Variants in PDE4D observed in about 807,000 individuals in gnomAD.
PDE4D encodes the protein phosphodiesterase 4D.
PDE4D carries 24 observed loss-of-function variants against 87.4 expected under a neutral mutation model. That is an observed-to-expected ratio of 0.27 (90% confidence interval 0.20 to 0.39). PDE4D has a LOEUF of 0.39. Among genes scored for constraint, PDE4D ranks in the 10% least tolerant of loss-of-function variants. The pLI, the probability that PDE4D is intolerant of heterozygous loss-of-function variation, is 1.00. For missense variants in PDE4D, 714 were observed against 1,041.0 expected (o/e 0.69, Z 4.32); for synonymous variants, 384 against 383.2 (o/e 1.00, Z -0.02).
chr5:60,034,710 T>C (rs573458395), intron 2 of PDE4D, among the ~76,000 whole-genome samples: 1 of 152,318 alleles, frequency 6.6e-6, no homozygotes, highest in African/African-American at 2.4e-5. Context: ...TAATACAACT[T>C]ATGATATTTA....
chr5:59,862,955 T>C (rs1199154576), intron 1 of PDE4D, among the ~76,000 whole-genome samples: 1 of 152,186 alleles, frequency 6.6e-6, no homozygotes, highest in Non-Finnish European at 1.5e-5. Context: ...TGGACTAAGA[T>C]TAACTTTCAT....
rs534569868 is a variant in PDE4D at position 59,760,848 on chromosome 5, A to G, written c.455+132320T>C. Among the ~76,000 whole-genome samples the G allele has an allele frequency of 1.3e-4, 20 of 152,286 alleles. 1 individual carries two copies. The East Asian group carries it at 2.5e-3, about 19-fold the overall frequency. On this transcript the variant is annotated intron_variant, in intron 1 of 14. Transcript: ENST00000340635. ...ATTTCCGTTATAGTAAAATGACTCA[A>G]TGTTTTTCATTGTGACATTCACTTA...
At chr5:59,442,723 A>T (rs1257347281) in intron 1 of PDE4D, among the ~76,000 whole-genome samples, 1 of 152,198 alleles carries the variant, frequency 6.6e-6, no homozygotes, top group Non-Finnish European at 1.5e-5. Context: ...TAGGAAGGTT[A>T]CCTGGCAGTA....
intron 1 of PDE4D, among the ~76,000 whole-genome samples, chr5:59,589,728 T>G (rs940444688): frequency 1.3e-5 from 2 of 152,184 alleles, no homozygotes; most frequent in African/African-American, 4.8e-5. Context: ...CAACATTCAA[T>G]ACTTGTTAGC....
chr5:59,324,007 A>T (rs201608489), intron 1 of PDE4D, among the ~76,000 whole-genome samples: 1 of 152,146 alleles, frequency 6.6e-6, no homozygotes, highest in Non-Finnish European at 1.5e-5. Flanking sequence ...ACCACATTTT[A>T]TCTTATTCCC....
At chr5:59,902,892 A>C (rs1159438751) in intron 3 of PDE4D, among the ~76,000 whole-genome samples, 1 of 152,206 alleles carries the variant, frequency 6.6e-6, no homozygotes, top group Non-Finnish European at 1.5e-5. Context: ...CCTAAATAGA[A>C]CTCTGAGCTA....
At chr5:59,503,137 T>G (rs1808622801) in intron 1 of PDE4D, among the ~76,000 whole-genome samples, 3 of 152,108 alleles carry the variant, frequency 2.0e-5, no homozygotes, top group Admixed American at 2.0e-4. Context: ...CAAAAAAGGT[T>G]AGGCTACAAT....
Position 59,768,753 on chromosome 5 carries a change from C to T in PDE4D, c.455+124415G>A, listed in dbSNP as rs1763133735. ...CCCTGCCAAAGATCACTGACAAGCT[C>T]GCATAGCAAATGAACAAGGAGGGAA... On this transcript the variant is annotated intron_variant, in intron 1 of 14. Coordinates refer to ENST00000340635, the MANE Select transcript of PDE4D (RefSeq NM_001104631.2). The T allele has an allele frequency of 4.5e-6, 4 of 895,602 alleles. No homozygotes were observed. The Admixed American group carries it at 9.6e-5, about 22-fold the overall frequency. The allele number at this position is 895,602 out of a possible 1,614,324, so 55.5% of individuals were successfully genotyped here.
intron 2 of PDE4D, among the ~76,000 whole-genome samples, chr5:60,115,292 T>C (rs1778067168): frequency 6.6e-6 from 1 of 152,088 alleles, no homozygotes; most frequent in African/African-American, 2.4e-5. Flanking sequence ...GTCACTGCTG[T>C]GTTTGGCATC....
intron 1 of PDE4D, among the ~76,000 whole-genome samples, chr5:59,421,014 T>C (rs905162565): frequency 6.6e-6 from 1 of 152,184 alleles, no homozygotes; most frequent in African/African-American, 2.4e-5. Flanking sequence ...TTTCTAACTT[T>C]TGCCTGAATT....
intron 1 of PDE4D, among the ~76,000 whole-genome samples, chr5:59,734,949 T>C (rs1185618180): frequency 1.3e-5 from 2 of 152,172 alleles, no homozygotes; most frequent in African/African-American, 4.8e-5. Context: ...CAAGCCTTAA[T>C]AGGAATTACA....
At chr5:60,458,882 C>T (rs1746699376) in intron 1 of PDE4D, among the ~76,000 whole-genome samples, 1 of 151,966 alleles carries the variant, frequency 6.6e-6, no homozygotes, top group South Asian at 2.1e-4. Flanking sequence ...TCCCTAGCGA[C>T]AGTCAAATAA....
chr5:60,355,460 T>C (rs1259978852), intron 1 of PDE4D, among the ~76,000 whole-genome samples: 1 of 152,160 alleles, frequency 6.6e-6, no homozygotes, highest in Admixed American at 6.6e-5. Flanking sequence ...CTCCTTGGAA[T>C]TCAGATTGAC....
At chr5:60,446,206 G>A (rs1051691706) in intron 1 of PDE4D, among the ~76,000 whole-genome samples, 14 of 151,890 alleles carry the variant, frequency 9.2e-5, no homozygotes, top group African/African-American at 2.9e-4. Context: ...AACTGAAGGG[G>A]AAAAAAACTT....
chr5:60,418,172 AG>A (rs34055556), intron 1 of PDE4D, among the ~76,000 whole-genome samples: 21,496 of 152,044 alleles, frequency 0.14, 1,909 homozygotes, highest in East Asian at 0.39. Context: ...AGTGAGGTAA[AG>A]GGAAAAAAAA....
rs187711493 is a variant in PDE4D at position 59,139,711 on chromosome 5, C to A, written c.808+40884G>T. 1.9e-3 allele frequency among the ~76,000 whole-genome samples: 289 copies of A among 151,850 alleles called. 1 individual carries two copies. Among genetic ancestry groups the A allele is most frequent in the African/African-American group, 6.7e-3 (276 of 41,260 alleles). On this transcript the variant is annotated intron_variant, in intron 5 of 14. Coordinates refer to ENST00000340635, the MANE Select transcript of PDE4D (RefSeq NM_001104631.2). ...TCCAGGCTGGTCTCAAACTCCTGGG[C>A]TCAAGCAATCTGCCCATCTCAGCCT...
At chr5:59,849,622 C>T (rs759190748) in intron 1 of PDE4D, among the ~76,000 whole-genome samples, 4 of 151,734 alleles carry the variant, frequency 2.6e-5, no homozygotes, top group Non-Finnish European at 5.9e-5. Context: ...CTTAAATTAC[C>T]ATCAGTGAGT....
intron 1 of PDE4D, among the ~76,000 whole-genome samples, chr5:59,439,494 C>T (rs1365964667): frequency 5.3e-5 from 8 of 152,140 alleles, no homozygotes; most frequent in Admixed American, 5.2e-4. Flanking sequence ...GTTTCCATGA[C>T]ACTTAGGCCT....
intron 3 of PDE4D, among the ~76,000 whole-genome samples, chr5:59,191,601 C>A (rs189793495): frequency 2.0e-5 from 3 of 151,906 alleles, no homozygotes; most frequent in African/African-American, 4.8e-5. Flanking sequence ...CAGAGTCTTG[C>A]TCTGTCACCC....
Sources: gnomAD v4.1 joint callset for allele counts (sites outside exome capture counted in the v4.1 genomes callset) on GRCh38, gnomAD v4.1.1 for gene constraint, MANE v1.5 for transcripts, NCBI Gene and HGNC (gene_info 2026-07-23, HGNC 2026-07-21) for gene names.